The following SERINC5 variants were observed in gnomAD, a reference collection of about 807,000 sequenced individuals.
The protein encoded by SERINC5 is chromosome 5 open reading frame 12.
SERINC5 carries 41 observed loss-of-function variants against 63.1 expected under a neutral mutation model. The ratio of observed to expected loss-of-function variants is 0.65; its 90% CI spans 0.51 to 0.84. The LOEUF (loss-of-function observed/expected upper bound fraction) is 0.84. SERINC5 is among the 40% of genes least tolerant of loss of function. The pLI is 0.00. For missense variants in SERINC5, 523 were observed against 573.0 expected (o/e 0.91, Z 0.89); for synonymous variants, 222 against 215.2 (o/e 1.03, Z -0.28).
intron 1 of SERINC5, among the ~76,000 whole-genome samples, chr5:80,229,191 T>A (rs1751319352): frequency 6.6e-6 from 1 of 151,784 alleles, no homozygotes; most frequent in Non-Finnish European, 1.5e-5. Flanking sequence ...GCCCGGCTAA[T>A]TTTTGTATTT....
At chr5:80,229,050 T>TGGGGGGGG (rs1174325559) in intron 1 of SERINC5, among the ~76,000 whole-genome samples, 3,435 of 94,126 alleles carry the variant, frequency 0.036, 485 homozygotes, top group African/African-American at 0.063. Flanking sequence ...TTTTTTTTTT[T>TGGGGGGGG]GGGGATGGAG....
chr5:80,209,219 C>T (rs1286110350), intron 1 of SERINC5, among the ~76,000 whole-genome samples: 15 of 152,112 alleles, frequency 9.9e-5, no homozygotes, highest in African/African-American at 3.6e-4. Context: ...TGCAGTGAGC[C>T]GAGATCGCGC....
chr5:80,117,189 AG>A (rs1381836679), intron 11 of SERINC5, among the ~76,000 whole-genome samples: 10 of 152,106 alleles, frequency 6.6e-5, no homozygotes, highest in Non-Finnish European at 1.2e-4. Flanking sequence ...GAAGATGGCT[AG>A]GAACTGCGTA....
rs576461033 is a variant in SERINC5, at chr5:80,208,333, A to G, written c.28-5280T>C. On this transcript the variant is annotated intron_variant, in intron 1 of 11. Coordinates refer to ENST00000507668, the MANE Select transcript of SERINC5 (RefSeq NM_001174072.3). Reference sequence around the variant, plus strand: ...GGGGAGGTATATGGGAACTCTCTGTATCTTCCTCTTAATTGTGCTGTGAAC... The same window carrying G: ...GGGGAGGTATATGGGAACTCTCTGTGTCTTCCTCTTAATTGTGCTGTGAAC... Among the ~76,000 whole-genome samples the G allele has an allele frequency of 9.0e-4, 136 of 150,704 alleles. 1 individual carries two copies. The highest frequency in any genetic ancestry group is 3.2e-3 in the African/African-American group (130 of 41,020).
chr5:80,251,294 A>ACATACATG lies in SERINC5; in HGVS notation c.27+4601_27+4602insCATGTATG, dbSNP rs1007503800. On this transcript the variant is annotated intron_variant, in intron 1 of 11. Transcript: ENST00000507668. ...CCCATCTTTAAATACATACATGCAT[A>ACATACATG]CATACATACATACATACATACATAC... Among the ~76,000 whole-genome samples the ACATACATG allele has an allele frequency of 3.4e-4, 17 of 50,096 alleles. No homozygotes were observed. In the East Asian group the frequency reaches 4.4e-3, roughly 13 times the overall value. 32.9% of individuals were successfully genotyped at this position (50,096 alleles called of 152,430 possible).
intron 1 of SERINC5, among the ~76,000 whole-genome samples, chr5:80,218,081 C>T (rs115443886): frequency 0.021 from 3,259 of 152,320 alleles, 60 homozygotes; most frequent in South Asian, 0.044. Context: ...CTTTAAAAAA[C>T]GCTCTGCTCC....
At chr5:80,205,841 G>T (rs559296673) in intron 1 of SERINC5, among the ~76,000 whole-genome samples, 1 of 152,194 alleles carries the variant, frequency 6.6e-6, no homozygotes, top group African/African-American at 2.4e-5. Flanking sequence ...GCCAAGGCAG[G>T]CGGATCGTGA....
intron 1 of SERINC5, among the ~76,000 whole-genome samples, chr5:80,216,815 A>G (rs1750688448): frequency 6.6e-6 from 1 of 152,242 alleles, no homozygotes; most frequent in South Asian, 2.1e-4. Flanking sequence ...GTTTGAGACC[A>G]GCCTGGGTAA....
At chr5:80,255,736 T>C (rs932701951) in intron 1 of SERINC5, among the ~76,000 whole-genome samples, 160 bp downstream of exon 1, 5 of 151,714 alleles carry the variant, frequency 3.3e-5, no homozygotes, top group African/African-American at 1.2e-4. Flanking sequence ...GCACAGGATT[T>C]CCCGGACGGC....
At position 80,142,644 on chromosome 5, in the gene SERINC5, A is replaced by T; in HGVS notation, c.*1019T>A. 1.0e-6 allele frequency: 1 copy of T among 985,476 alleles called. No individual in the cohort carries two copies. The highest frequency in any genetic ancestry group is 4.7e-5 in the South Asian group (1 of 21,292). The allele number at this position is 985,476 out of a possible 1,614,324, so 61.0% of individuals were successfully genotyped here. On this transcript the variant is annotated 3_prime_UTR_variant, in exon 12 of 12. Coordinates refer to ENST00000507668, the MANE Select transcript of SERINC5 (RefSeq NM_001174072.3). ...CCTGAACGGTATGGTCACGTTACAG[A>T]TCCAGAACACAAAACGACTTCCGCT...
At chr5:80,211,602 T>C (rs1750433868) in intron 1 of SERINC5, among the ~76,000 whole-genome samples, 1 of 152,236 alleles carries the variant, frequency 6.6e-6, no homozygotes, top group South Asian at 2.1e-4. Context: ...GCTGAAACTC[T>C]GCCTTGGAGC....
At chr5:80,117,272 A>T (rs755058800) in intron 11 of SERINC5, among the ~76,000 whole-genome samples, 1 of 152,142 alleles carries the variant, frequency 6.6e-6, no homozygotes, top group Non-Finnish European at 1.5e-5. Flanking sequence ...GTCCAACTGC[A>T]GATGGGACCT....
intron 11 of SERINC5, among the ~76,000 whole-genome samples, chr5:80,123,051 G>T (rs1744609690): frequency 6.6e-6 from 1 of 152,192 alleles, no homozygotes; most frequent in African/African-American, 2.4e-5. Flanking sequence ...GTGGTGATTT[G>T]TCACAGCAGC....
chr5:80,196,045 T>C (rs1032233316), intron 2 of SERINC5, among the ~76,000 whole-genome samples: 1 of 152,120 alleles, frequency 6.6e-6, no homozygotes, highest in African/African-American at 2.4e-5. Flanking sequence ...CATGGCCAAA[T>C]CACCGTGACT....
chr5:80,172,127 C>T (rs1391984431), intron 5 of SERINC5, among the ~76,000 whole-genome samples: 8 of 151,960 alleles, frequency 5.3e-5, no homozygotes, highest in South Asian at 4.2e-4. Flanking sequence ...GTCAGGAATT[C>T]GAGACCAGCC....
chr5:80,149,912 G>A (rs755250737), intron 9 of SERINC5, among the ~76,000 whole-genome samples: 1 of 152,162 alleles, frequency 6.6e-6, no homozygotes, highest in African/African-American at 2.4e-5. Flanking sequence ...GTTGGTAGAT[G>A]AGAGCCCCAG....
intron 7 of SERINC5, among the ~76,000 whole-genome samples, chr5:80,161,021 TA>T (rs1561380892): frequency 7.3e-6 from 1 of 137,234 alleles, no homozygotes; most frequent in African/African-American, 3.1e-5. Flanking sequence ...TATACGTGTA[TA>T]TATATACACA....
intron 1 of SERINC5, among the ~76,000 whole-genome samples, chr5:80,242,657 G>A (rs1350886896): frequency 6.6e-6 from 1 of 152,166 alleles, no homozygotes; most frequent in Non-Finnish European, 1.5e-5. Flanking sequence ...GGCTGAGGCA[G>A]GAGAATCACT....
At chr5:80,117,092 A>AT (rs1168980793) in intron 11 of SERINC5, among the ~76,000 whole-genome samples, 2 of 152,006 alleles carry the variant, frequency 1.3e-5, no homozygotes, top group Non-Finnish European at 2.9e-5. Flanking sequence ...CAGCCTCCCA[A>AT]AGTGCTGGGA....
Sources: gnomAD v4.1 joint callset for allele counts (sites outside exome capture counted in the v4.1 genomes callset) on GRCh38, gnomAD v4.1.1 for gene constraint, MANE v1.5 for transcripts, NCBI Gene and HGNC (gene_info 2026-07-23, HGNC 2026-07-21) for gene names.